The following MYT1L variants were observed in gnomAD, a reference collection of about 807,000 sequenced individuals.
MYT1L encodes the protein myelin transcription factor 1-like protein.
MYT1L carries 12 observed loss-of-function variants against 126.7 expected under a neutral mutation model. That is an observed-to-expected ratio of 0.09 (90% CI 0.06 to 0.15). The LOEUF (loss-of-function observed/expected upper bound fraction) is 0.15. Ranked by LOEUF, MYT1L falls within the 10% of genes least tolerant of loss-of-function variation. The pLI is 1.00. For synonymous variants in MYT1L, 541 were observed against 604.2 expected (o/e 0.90, Z 1.53); for missense variants, 979 against 1,585.2 (o/e 0.62, Z 6.49).
chr2:1,907,496 G>C (rs1455226296), intron 13 of MYT1L, among the ~76,000 whole-genome samples: 1 of 152,174 alleles, frequency 6.6e-6, no homozygotes, highest in Non-Finnish European at 1.5e-5. Context: ...CCAAAGGCTG[G>C]GAGAAGCATA....
chr2:2,144,013 C>T (rs985650815), intron 3 of MYT1L, among the ~76,000 whole-genome samples: 1 of 152,060 alleles, frequency 6.6e-6, no homozygotes, highest in Admixed American at 6.6e-5. Flanking sequence ...GTCCTATGCT[C>T]AGTACCTGGA....
intron 2 of MYT1L, among the ~76,000 whole-genome samples, chr2:2,272,976 G>A (rs1267630149): frequency 2.0e-5 from 3 of 152,042 alleles, no homozygotes; most frequent in Non-Finnish European, 4.4e-5. Flanking sequence ...CTCCACTCCA[G>A]CTCCTTCTCC....
At chr2:2,166,191 C>T (rs1336938092) in intron 3 of MYT1L, among the ~76,000 whole-genome samples, 4 of 152,094 alleles carry the variant, frequency 2.6e-5, no homozygotes, top group Non-Finnish European at 5.9e-5. Context: ...TTTCTTCCTT[C>T]CCTCCTCTCT....
At chr2:1,984,055 C>T (rs1275559955) in intron 5 of MYT1L, among the ~76,000 whole-genome samples, 1 of 152,124 alleles carries the variant, frequency 6.6e-6, no homozygotes, top group Non-Finnish European at 1.5e-5. Context: ...ATAAAGCTGT[C>T]AGGAGTGATT....
In MYT1L at chr2:2,102,436, T is replaced by C. The variant is rs1220618169; in HGVS notation, c.-303-48313A>G. Among the ~76,000 whole-genome samples, 3 of 152,184 alleles carry C rather than the reference T, an allele frequency of 2.0e-5. No individual in the cohort carries two copies. In the East Asian group the frequency reaches 5.8e-4, roughly 29 times the overall value. On this transcript the variant is annotated intron_variant, in intron 3 of 24. Transcript: ENST00000647738. ...TACTAGGGAAAGACTTTTTTCCTTCTAATTTCATCTGCCGAATTCCAAGCC... is the reference window on the plus strand; with the variant it reads ...TACTAGGGAAAGACTTTTTTCCTTCCAATTTCATCTGCCGAATTCCAAGCC...
At chr2:2,173,769 A>T (rs1342718046) in intron 2 of MYT1L, among the ~76,000 whole-genome samples, 1 of 152,192 alleles carries the variant, frequency 6.6e-6, no homozygotes, top group Non-Finnish European at 1.5e-5. Flanking sequence ...CGTCTATGGC[A>T]ATAACAGACA....
chr2:2,184,888 G>A (rs553448507), intron 2 of MYT1L, among the ~76,000 whole-genome samples: 2 of 152,320 alleles, frequency 1.3e-5, no homozygotes, highest in Admixed American at 1.3e-4. Flanking sequence ...GCCGCAGCTC[G>A]GCACTTTAGC....
At chr2:2,309,917 T>C (rs2095932252) in intron 1 of MYT1L, among the ~76,000 whole-genome samples, 1 of 151,626 alleles carries the variant, frequency 6.6e-6, no homozygotes, top group Admixed American at 6.6e-5. Flanking sequence ...CACTTCAGTA[T>C]ACTGTATCTA....
chr2:2,273,021 C>T (rs2095293027), intron 2 of MYT1L, among the ~76,000 whole-genome samples: 1 of 152,140 alleles, frequency 6.6e-6, no homozygotes, highest in African/African-American at 2.4e-5. Context: ...CAGTGTCAGT[C>T]CCAGGAGCTC....
At position 2,004,384 on chromosome 2, in the gene MYT1L, GGCGTTCTTTCCTGCAT is replaced by G. The variant is rs1269319104; in HGVS notation, c.-157-7053_-157-7038del. ...TTTCCTGTGTGCCTTCTTTCCTGCA[GGCGTTCTTTCCTGCAT>G]GCGTTCTTTCCTGCATGCGTTCTTT... On this transcript the variant is annotated intron_variant, in intron 4 of 24. Coordinates refer to ENST00000647738, the MANE Select transcript of MYT1L (RefSeq NM_001303052.2). Among the ~76,000 whole-genome samples, 625 of 90,802 alleles carry G rather than the reference GGCGTTCTTTCCTGCAT, an allele frequency of 6.9e-3. 5 individuals carry two copies. The highest frequency in any genetic ancestry group is 0.026 in the African/African-American group (512 of 19,476). The allele number at this position is 90,802 out of a possible 152,430, so 59.6% of individuals were successfully genotyped here.
chr2:2,199,551 G>A (rs1158718729), intron 2 of MYT1L, among the ~76,000 whole-genome samples: 1 of 152,148 alleles, frequency 6.6e-6, no homozygotes, highest in Non-Finnish European at 1.5e-5. Flanking sequence ...GACAGCTGTG[G>A]GGCAGAACCC....
intron 18 of MYT1L, among the ~76,000 whole-genome samples, chr2:1,859,595 G>C (rs56207260): frequency 0.48 from 72,542 of 151,588 alleles, 18,807 homozygotes; most frequent in Middle Eastern, 0.7. Flanking sequence ...TTAGTTGTAT[G>C]ATGCCCAATA....
intron 5 of MYT1L, among the ~76,000 whole-genome samples, chr2:1,996,203 C>A (rs975989119): frequency 1.3e-5 from 2 of 152,186 alleles, no homozygotes; most frequent in African/African-American, 4.8e-5. Context: ...TTATTTAGTT[C>A]TTTTCTCACA....
intron 8 of MYT1L, among the ~76,000 whole-genome samples, chr2:1,956,628 C>T (rs1464396835): frequency 1.3e-5 from 2 of 151,004 alleles, no homozygotes; most frequent in African/African-American, 2.4e-5. Context: ...ATCTACCTAC[C>T]TACCTATCTA....
Position 1,994,331 on chromosome 2 carries a change from C to T in MYT1L, c.-1+2860G>A, listed in dbSNP as rs535780849. ...AGCCCTGGTTCACGCCCTGCTCCCT[C>T]CTCCCAGCGAGTCCTCCTGGGGGGC... is the stretch of plus-strand genomic sequence containing the variant. On this transcript the variant is annotated intron_variant, in intron 5 of 24. Coordinates refer to ENST00000647738, the MANE Select transcript of MYT1L (RefSeq NM_001303052.2). 1.3e-4 allele frequency among the ~76,000 whole-genome samples: 20 copies of T among 151,568 alleles called. No homozygotes were observed. In the East Asian group the frequency reaches 3.9e-3, roughly 30 times the overall value.
chr2:2,316,171 TCA>T (rs2096061681), intron 1 of MYT1L, among the ~76,000 whole-genome samples: 1 of 152,226 alleles, frequency 6.6e-6, no homozygotes, highest in African/African-American at 2.4e-5. Flanking sequence ...GCTTGATTTC[TCA>T]GACTCCTTTC....
chr2:2,114,999 G>A (rs966563332), intron 3 of MYT1L, among the ~76,000 whole-genome samples: 2 of 152,136 alleles, frequency 1.3e-5, no homozygotes, highest in South Asian at 4.1e-4. Flanking sequence ...TTTTCTGTTC[G>A]TCATACACAG....
At position 2,287,572 on chromosome 2, in the gene MYT1L, G is replaced by A. The variant is rs1328945132; in HGVS notation, c.-520-3069C>T. On this transcript the variant is annotated intron_variant, in intron 1 of 24. Transcript: ENST00000647738. The stretch of plus-strand genomic sequence containing the variant: ...CTGTATTTACTGAAGATGGGAAAGT[G>A]GCAATTTCAGGAGCACAGAGTGACT... 2.0e-5 allele frequency among the ~76,000 whole-genome samples: 3 copies of A among 152,128 alleles called. No homozygotes were observed. The East Asian group carries it at 5.8e-4, about 29-fold the overall frequency.
chr2:1,963,816 G>A (rs1574036107), intron 8 of MYT1L, among the ~76,000 whole-genome samples: 1 of 152,224 alleles, frequency 6.6e-6, no homozygotes, highest in Admixed American at 6.5e-5. Flanking sequence ...TGGCTTTAGA[G>A]AATGCTGTGG....
Sources: allele counts gnomAD v4.1 joint callset (sites outside exome capture counted in the v4.1 genomes callset), GRCh38; gene constraint gnomAD v4.1.1; transcripts MANE v1.5; gene names NCBI Gene and HGNC (gene_info 2026-07-23, HGNC 2026-07-21).